USH2A: variants seen among roughly 807,000 people sequenced by gnomAD.
USH2A encodes the protein usherin.
Under a neutral mutation model 538.9 loss-of-function variants are expected in USH2A, and 443 were observed. The ratio of observed to expected loss-of-function variants is 0.82; its 90% CI spans 0.76 to 0.89. The LOEUF (loss-of-function observed/expected upper bound fraction) is 0.89, where lower values mean the gene tolerates loss of function less well. Among genes scored for constraint, USH2A ranks in the 40% least tolerant of loss-of-function variants. USH2A has a pLI of 0.00. For missense variants in USH2A, 6,633 were observed against 6,324.8 expected, an observed-to-expected ratio of 1.05 and a Z score of -1.65; for synonymous variants, 2,413 against 2,273.5, an observed-to-expected ratio of 1.06 and a Z score of -1.75.
At chr1:215,782,241 T>C (rs1480214367) in intron 53 of USH2A, 45 bp from the exon 54 acceptor site, 1 of 1,601,486 alleles carries the variant, frequency 6.2e-7, no homozygotes, top group Admixed American at 1.7e-5. Context: ...TGATATCATT[T>C]TAACTATTTG....
intron 11 of USH2A, among the ~76,000 whole-genome samples, chr1:216,277,797 T>C (rs1347097999): frequency 6.6e-6 from 1 of 151,864 alleles, no homozygotes; most frequent in African/African-American, 2.4e-5. Context: ...CCAAAGCATT[T>C]TAAAAGTGGA....
intron 58 of USH2A, among the ~76,000 whole-genome samples, chr1:215,749,375 T>C (rs1660563270): frequency 6.6e-6 from 1 of 152,212 alleles, no homozygotes; most frequent in African/African-American, 2.4e-5. Flanking sequence ...GAAAATGTAT[T>C]TTTCACCTCT....
At position 216,186,438 on chromosome 1, in the gene USH2A, T is replaced by A. The variant is rs1036435187; in HGVS notation, c.4396+3785A>T. 2.0e-5 allele frequency among the ~76,000 whole-genome samples: 3 copies of A among 151,880 alleles called. No individual in the cohort carries two copies. The East Asian group carries it at 5.8e-4, about 29-fold the overall frequency. On this transcript the variant is annotated intron_variant, in intron 20 of 71. Coordinates refer to ENST00000307340, the MANE Select transcript of USH2A (RefSeq NM_206933.4). ...TCTCCTTCTAGAATTCTCTCTTCCC[T>A]TGACTTTTCTGATACTGCTTCCTCT...
At chr1:216,058,823 C>T (rs2031074869) in intron 30 of USH2A, among the ~76,000 whole-genome samples, 1 of 152,144 alleles carries the variant, frequency 6.6e-6, no homozygotes. Flanking sequence ...CAGAAAGCTA[C>T]ATTTGCTAAT....
intron 47 of USH2A, among the ~76,000 whole-genome samples, chr1:215,831,571 A>G (rs1165586304): frequency 6.6e-6 from 1 of 152,160 alleles, no homozygotes; most frequent in African/African-American, 2.4e-5. Flanking sequence ...AAAAATCCCC[A>G]AATACTTGGA....
At chr1:215,697,244 T>A (rs915974515) in intron 61 of USH2A, among the ~76,000 whole-genome samples, 2 of 151,616 alleles carry the variant, frequency 1.3e-5, no homozygotes, top group East Asian at 2.0e-4. Flanking sequence ...CAGGTGTGAG[T>A]CACCTCACCT....
At position 215,634,521 on chromosome 1, in the gene USH2A, A is replaced by G; in HGVS notation, c.15235T>C (p.Leu5079=). 6.2e-7 allele frequency: 1 copy of G among 1,614,180 alleles called. No homozygotes were observed. The highest frequency in any genetic ancestry group is 8.5e-7 in the Non-Finnish European group (1 of 1,180,018). Residue 5079 remains leucine (L), a synonymous_variant, in exon 70 of 72, where the codon TTG becomes CTG. Coordinates refer to ENST00000307340, the MANE Select transcript of USH2A (RefSeq NM_206933.4). ...GACATCCTCTTCTGAAGAGGTACCAAGGGAGGTCTTTCTCTGATATATGGC... is the reference window on the plus strand; with the variant it reads ...GACATCCTCTTCTGAAGAGGTACCAGGGGAGGTCTTTCTCTGATATATGGC... The part of the protein sequence containing the change: ...KEPYIRERPP[L]VPLQKRMSPL...
intron 15 of USH2A, among the ~76,000 whole-genome samples, chr1:216,216,583 G>A (rs1393179505): frequency 2.6e-5 from 4 of 151,986 alleles, no homozygotes; most frequent in Non-Finnish European, 4.4e-5. Flanking sequence ...GTTGTAGAGG[G>A]CTCCTACCAC....
chr1:216,086,879 A>C, intron 23 of USH2A, 59 bp from the exon 24 acceptor site: 52 of 1,326,208 alleles, frequency 3.9e-5, no homozygotes, highest in Non-Finnish European at 5.4e-5. Context: ...TTACTAGCTC[A>C]GCAAATAATA....
chr1:216,121,258 G>A (rs2033134435), intron 21 of USH2A, among the ~76,000 whole-genome samples: 1 of 152,050 alleles, frequency 6.6e-6, no homozygotes, highest in Non-Finnish European at 1.5e-5. Flanking sequence ...GGTTAACTAT[G>A]TTAAACTAAA....
intron 46 of USH2A, among the ~76,000 whole-genome samples, chr1:215,839,397 C>A (rs977890310): frequency 4.6e-5 from 7 of 152,054 alleles, no homozygotes; most frequent in Non-Finnish European, 8.8e-5. Context: ...TTCCTCATAA[C>A]TCCATTTAAA....
chr1:216,364,858 T>A, intron 4 of USH2A, 95 bp downstream of exon 4: 3 of 1,489,828 alleles, frequency 2.0e-6, no homozygotes, highest in South Asian at 1.2e-5. Flanking sequence ...AGAAGATGAA[T>A]ACACGTAGAT....
intron 44 of USH2A, among the ~76,000 whole-genome samples, chr1:215,865,370 C>T (rs565809801): frequency 3.3e-5 from 5 of 152,290 alleles, no homozygotes; most frequent in African/African-American, 1.2e-4. Context: ...CAGTGAGCTG[C>T]TTCAGATCTA....
chr1:216,347,787 C>T lies in USH2A; in HGVS notation c.784+17166G>A, dbSNP rs79081375. Among the ~76,000 whole-genome samples the T allele has an allele frequency of 3.3e-3, 495 of 152,200 alleles. 5 individuals carry two copies. Among genetic ancestry groups the T allele is most frequent in the African/African-American group, 0.012 (480 of 41,554 alleles). ...TTTGTCATCCATAGAAAATTGTTGA[C>T]CTGTTTTAATCCTCTTTAAAAAGTA... is the stretch of plus-strand genomic sequence containing the variant. On this transcript the variant is annotated intron_variant, in intron 4 of 71. Coordinates refer to ENST00000307340, the MANE Select transcript of USH2A (RefSeq NM_206933.4).
At chr1:216,104,855 A>C (rs2032691420) in intron 21 of USH2A, among the ~76,000 whole-genome samples, 1 of 152,224 alleles carries the variant, frequency 6.6e-6, no homozygotes, top group South Asian at 2.1e-4. Context: ...TCTGCACAGC[A>C]AAAGAAACTA....
chr1:216,054,760 G>C (rs570497186), intron 30 of USH2A, among the ~76,000 whole-genome samples: 1 of 149,628 alleles, frequency 6.7e-6, no homozygotes, highest in African/African-American at 2.5e-5. Flanking sequence ...AAAGATTTCT[G>C]TCATCTTCGA....
In USH2A at chr1:215,680,376, C is replaced by G; in HGVS notation, c.12067G>C (p.Gly4023Arg). The change falls in exon 62 of 72, where the codon GGA (glycine) becomes CGA (arginine). Residue 4023 changes from glycine (G) to arginine (R), a missense_variant and splice_region_variant. Gly to Arg is a moderately radical substitution (Grantham distance 125). Coordinates refer to ENST00000307340, the MANE Select transcript of USH2A (RefSeq NM_206933.4). ...SPTVHAFTVK[G>R]TSHQAHLYGL... ...TACAGGTGGGCTTGATGGCTTGTTC[C>G]CTGTAAGAAAATTAACAGGTTAAGT... 1 of 1,610,418 alleles carries G rather than the reference C, an allele frequency of 6.2e-7. No homozygotes were observed. Among genetic ancestry groups the G allele is most frequent in the Non-Finnish European group, 8.5e-7 (1 of 1,179,360 alleles).
intron 64 of USH2A, among the ~76,000 whole-genome samples, chr1:215,665,883 A>G (rs2102656859): frequency 6.6e-6 from 1 of 152,382 alleles, no homozygotes; most frequent in South Asian, 2.1e-4. Context: ...GTACAGATGC[A>G]TCGCATTTAT....
At chr1:216,195,023 G>A (rs2034807495) in intron 19 of USH2A, among the ~76,000 whole-genome samples, 1 of 152,126 alleles carries the variant, frequency 6.6e-6, no homozygotes, top group African/African-American at 2.4e-5. Flanking sequence ...TGGAACAAAG[G>A]CATAACATGT....
Sources: gnomAD v4.1 joint callset for allele counts (sites outside exome capture counted in the v4.1 genomes callset) on GRCh38, gnomAD v4.1.1 for gene constraint, MANE v1.5 for transcripts, NCBI Gene and HGNC (gene_info 2026-07-23, HGNC 2026-07-21) for gene names.